The following TBL1XR1 variants were observed in gnomAD, a reference collection of about 807,000 sequenced individuals.
The protein encoded by TBL1XR1 is F-box-like/WD repeat-containing protein TBL1XR1.
TBL1XR1 carries 5 observed loss-of-function variants against 66.9 expected under a neutral mutation model. The observed-to-expected ratio is 0.07, with a 90% CI of 0.04 to 0.16. The LOEUF is 0.16. Among genes scored for constraint, TBL1XR1 ranks in the 10% least tolerant of loss-of-function variants. The pLI is 1.00. For synonymous variants in TBL1XR1, 210 were observed against 206.0 expected, an observed-to-expected ratio of 1.02 and a Z score of -0.17; for missense variants, 238 against 623.2, an observed-to-expected ratio of 0.38 and a Z score of 6.58.
intron 14 of TBL1XR1, among the ~76,000 whole-genome samples, chr3:177,028,008 T>C (rs761362054): frequency 1.3e-5 from 2 of 152,144 alleles, no homozygotes; most frequent in African/African-American, 2.4e-5. Context: ...AACTTTCTTT[T>C]AAAAAGCACT....
At chr3:177,173,545 A>C (rs1429019630) in intron 1 of TBL1XR1, among the ~76,000 whole-genome samples, 1 of 152,226 alleles carries the variant, frequency 6.6e-6, no homozygotes, top group Non-Finnish European at 1.5e-5. Context: ...ATATCAGACA[A>C]ACCAGTACTC....
At chr3:177,091,789 AAAAG>A (rs1722873166) in intron 2 of TBL1XR1, among the ~76,000 whole-genome samples, 3 of 152,334 alleles carry the variant, frequency 2.0e-5, no homozygotes, top group South Asian at 2.1e-4. Flanking sequence ...ACTGGTAAAT[AAAAG>A]AAAGAATCAT....
At chr3:177,041,865 C>T (rs758114208) in intron 10 of TBL1XR1, among the ~76,000 whole-genome samples, 2 of 152,106 alleles carry the variant, frequency 1.3e-5, no homozygotes, top group African/African-American at 2.4e-5. Flanking sequence ...AGCACGACTG[C>T]CATCATTTCA....
At chr3:177,093,372 T>C (rs945923783) in intron 2 of TBL1XR1, among the ~76,000 whole-genome samples, 9 of 152,146 alleles carry the variant, frequency 5.9e-5, no homozygotes, top group Admixed American at 2.6e-4. Flanking sequence ...ATGGGTAGAA[T>C]CAATATTGTG....
intron 2 of TBL1XR1, among the ~76,000 whole-genome samples, chr3:177,080,502 T>C (rs1190264453): frequency 1.3e-5 from 2 of 152,174 alleles, no homozygotes; most frequent in Non-Finnish European, 2.9e-5. Context: ...AAACAATAAG[T>C]ATGCTTGTGA....
chr3:177,073,988 T>C (rs754528187), intron 2 of TBL1XR1, among the ~76,000 whole-genome samples: 1 of 152,168 alleles, frequency 6.6e-6, no homozygotes, highest in African/African-American at 2.4e-5. Flanking sequence ...ACTCCAAACA[T>C]GGGGTAGCGT....
intron 1 of TBL1XR1, among the ~76,000 whole-genome samples, chr3:177,185,067 G>A (rs896534262): frequency 1.3e-5 from 2 of 151,886 alleles, no homozygotes; most frequent in Non-Finnish European, 1.5e-5. Context: ...CACATGCCTC[G>A]ATTTTTCAAT....
intron 1 of TBL1XR1, among the ~76,000 whole-genome samples, chr3:177,125,248 A>T (rs1727466019): frequency 6.6e-6 from 1 of 152,180 alleles, no homozygotes; most frequent in East Asian, 1.9e-4. Context: ...TTGAAATCTG[A>T]ACAGATACCC....
At chr3:177,084,203 T>C (rs1721843938) in intron 2 of TBL1XR1, among the ~76,000 whole-genome samples, 1 of 152,024 alleles carries the variant, frequency 6.6e-6, no homozygotes, top group African/African-American at 2.4e-5. Flanking sequence ...CTGAGTAACG[T>C]AAATCCCTAA....
intron 1 of TBL1XR1, among the ~76,000 whole-genome samples, chr3:177,109,669 C>A (rs938413330): frequency 6.6e-6 from 1 of 152,038 alleles, no homozygotes; most frequent in African/African-American, 2.4e-5. Context: ...TGCTCTCTCA[C>A]AGTTTAAATT....
In TBL1XR1 at chr3:177,050,622, A is replaced by G. The variant is rs1258523390; in HGVS notation, c.428-12T>C. On this transcript the variant is annotated splice_polypyrimidine_tract_variant and intron_variant, in intron 5 of 15. Coordinates refer to ENST00000457928, the MANE Select transcript of TBL1XR1 (RefSeq NM_024665.7). ...ATCAGTATGATTATCTGCATCGTGAAACACAAGTAAGCATTTCCAGTTAGG... is the reference window on the plus strand; with the variant it reads ...ATCAGTATGATTATCTGCATCGTGAGACACAAGTAAGCATTTCCAGTTAGG... 1.9e-6 allele frequency: 3 copies of G among 1,613,444 alleles called. No individual in the cohort carries two copies. The highest frequency in any genetic ancestry group is 1.7e-5 in the Admixed American group (1 of 59,972).
At chr3:177,084,924 C>A (rs1286741550) in intron 2 of TBL1XR1, among the ~76,000 whole-genome samples, 1 of 152,198 alleles carries the variant, frequency 6.6e-6, no homozygotes, top group Non-Finnish European at 1.5e-5. Context: ...TGTTCCATAG[C>A]AGCCACTACT....
At chr3:177,094,804 C>A (rs1160713611) in intron 2 of TBL1XR1, among the ~76,000 whole-genome samples, 1 of 151,518 alleles carries the variant, frequency 6.6e-6, no homozygotes, top group East Asian at 1.9e-4. Flanking sequence ...ATACAATGGA[C>A]CTTGTGGACT....
chr3:177,113,889 G>C (rs985645944), intron 1 of TBL1XR1, among the ~76,000 whole-genome samples: 1 of 152,048 alleles, frequency 6.6e-6, no homozygotes, highest in Non-Finnish European at 1.5e-5. Context: ...GGAGAAAAGA[G>C]AATCCTTAAC....
chr3:177,064,783 T>G lies in TBL1XR1; in HGVS notation c.58+137A>C, dbSNP rs892336636. 6 of 642,376 alleles carry G rather than the reference T, an allele frequency of 9.3e-6. No homozygotes were observed. In the African/African-American group the frequency reaches 1.2e-4, roughly 12 times the overall value. The allele number at this position is 642,376 out of a possible 1,614,324, so 39.8% of individuals were successfully genotyped here. ...GTTAAACCATGCAGTAAAACATAGC[T>G]TTAAAATGGCAGTCCAGACATTAAG... On this transcript the variant is annotated intron_variant, in intron 3 of 15. Transcript: ENST00000457928.
At chr3:177,175,843 G>C (rs1197085816) in intron 1 of TBL1XR1, among the ~76,000 whole-genome samples, 1 of 151,976 alleles carries the variant, frequency 6.6e-6, no homozygotes, top group African/African-American at 2.4e-5. Flanking sequence ...CGGATCTCGA[G>C]GTCAGGAGAT....
chr3:177,157,962 A>C (rs1731708530), intron 1 of TBL1XR1, among the ~76,000 whole-genome samples: 1 of 152,146 alleles, frequency 6.6e-6, no homozygotes, highest in Non-Finnish European at 1.5e-5. Flanking sequence ...TTTGAAGATC[A>C]TAAATACTAT....
intron 1 of TBL1XR1, among the ~76,000 whole-genome samples, chr3:177,128,722 A>G (rs940767613): frequency 6.6e-6 from 1 of 152,152 alleles, no homozygotes; most frequent in African/African-American, 2.4e-5. Flanking sequence ...TATCTTTTCT[A>G]TTTCTTGGGG....
chr3:177,036,249 AT>A (rs1409235428), intron 12 of TBL1XR1, among the ~76,000 whole-genome samples: 1 of 152,184 alleles, frequency 6.6e-6, no homozygotes, highest in African/African-American at 2.4e-5. Flanking sequence ...ATGCCCAAGG[AT>A]TTTAAAGACC....
Sources: gnomAD v4.1 joint callset for allele counts (sites outside exome capture counted in the v4.1 genomes callset) on GRCh38, gnomAD v4.1.1 for gene constraint, MANE v1.5 for transcripts, NCBI Gene and HGNC (gene_info 2026-07-23, HGNC 2026-07-21) for gene names.